MGMT: variants seen among roughly 807,000 people sequenced by gnomAD.
MGMT encodes the protein O-6-methylguanine-DNA methyltransferase, also known as methylated-DNA--protein-cysteine methyltransferase.
A neutral mutation model predicts 15.9 loss-of-function variants in MGMT; 14 were observed. The ratio of observed to expected loss-of-function variants is 0.88; its 90% CI spans 0.58 to 1.37. The LOEUF is 1.37. MGMT is among the 40% of genes most tolerant of loss of function. MGMT has a pLI of 0.00. For missense variants in MGMT, 282 were observed against 268.1 expected (o/e 1.05, Z -0.36); for synonymous variants, 130 against 118.2 (o/e 1.10, Z -0.65).
chr10:129,741,178 C>G (rs1185859354), intron 3 of MGMT, among the ~76,000 whole-genome samples: 1 of 152,174 alleles, frequency 6.6e-6, no homozygotes, highest in Non-Finnish European at 1.5e-5. Context: ...CTCCCCAGCC[C>G]TGGTCACAGC....
At chr10:129,691,639 A>T (rs370794374) in intron 2 of MGMT, among the ~76,000 whole-genome samples, 38 of 152,172 alleles carry the variant, frequency 2.5e-4, no homozygotes, top group African/African-American at 6.3e-4. Context: ...TGGCAGTGGC[A>T]CAGGTGTCAG....
At chr10:129,663,740 C>T (rs1847626524) in intron 2 of MGMT, among the ~76,000 whole-genome samples, 1 of 152,022 alleles carries the variant, frequency 6.6e-6, no homozygotes. Flanking sequence ...AGGAAAAATC[C>T]AGTTTTAGCA....
intron 3 of MGMT, among the ~76,000 whole-genome samples, chr10:129,723,871 A>G (rs1848402875): frequency 6.6e-6 from 1 of 152,182 alleles, no homozygotes; most frequent in African/African-American, 2.4e-5. Context: ...CAGATCAGAC[A>G]CCACCAAGTG....
intron 3 of MGMT, among the ~76,000 whole-genome samples, chr10:129,741,593 A>G (rs1021826921): frequency 1.3e-5 from 2 of 152,116 alleles, no homozygotes; most frequent in African/African-American, 4.8e-5. Flanking sequence ...CAGTGTCTCC[A>G]TTTTGGGGAG....
intron 2 of MGMT, among the ~76,000 whole-genome samples, chr10:129,655,920 A>G (rs1847520426): frequency 6.6e-6 from 1 of 152,184 alleles, no homozygotes. Context: ...GAGAAGTTCC[A>G]CGTGTTTAAA....
chr10:129,693,443 TA>T (rs1183957430), intron 2 of MGMT, among the ~76,000 whole-genome samples: 43 of 152,286 alleles, frequency 2.8e-4, no homozygotes, highest in Non-Finnish European at 2.6e-4. Context: ...CGGTCTAAGC[TA>T]AGAAGGGTTC....
intron 2 of MGMT, among the ~76,000 whole-genome samples, chr10:129,689,061 C>G (rs1350037565): frequency 6.6e-6 from 1 of 152,050 alleles, no homozygotes; most frequent in Non-Finnish European, 1.5e-5. Flanking sequence ...TCCTGGGTAG[C>G]TGAGACTACA....
At chr10:129,745,085 C>A (rs1848678518) in intron 3 of MGMT, among the ~76,000 whole-genome samples, 1 of 152,108 alleles carries the variant, frequency 6.6e-6, no homozygotes, top group Non-Finnish European at 1.5e-5. Context: ...GTGGTGGGGC[C>A]TCGTAGAGGG....
In MGMT at chr10:129,707,948, T is replaced by G; in HGVS notation, c.179T>G (p.Met60Arg). ...GTTCTCGGAGGTCCGGAGCCCCTGA[T>G]GCAGTGCACAGCCTGGCTGAATGCC... is the stretch of plus-strand genomic sequence containing the variant. ...AAVLGGPEPL[M>R]QCTAWLNAYF... The change falls in exon 3 of 5, where the codon ATG becomes AGG. Residue 60 changes from methionine to arginine, a missense_variant. Met to Arg is a moderately conservative substitution (Grantham distance 91). Coordinates refer to ENST00000651593, the MANE Select transcript of MGMT (RefSeq NM_002412.5). The G allele has an allele frequency of 6.2e-7, 1 of 1,613,216 alleles. No homozygotes were observed. The highest frequency in any genetic ancestry group is 8.5e-7 in the Non-Finnish European group (1 of 1,180,004).
chr10:129,637,455 C>T (rs2133086997), intron 2 of MGMT, among the ~76,000 whole-genome samples: 1 of 152,200 alleles, frequency 6.6e-6, no homozygotes, highest in African/African-American at 2.4e-5. Flanking sequence ...TAATTTCTGG[C>T]AGAATGAACC....
chr10:129,665,081 A>C (rs1460867148), intron 2 of MGMT, among the ~76,000 whole-genome samples: 7 of 152,128 alleles, frequency 4.6e-5, no homozygotes, highest in Non-Finnish European at 8.8e-5. Flanking sequence ...AATCTGACTT[A>C]AATGTTTACT....
intron 2 of MGMT, among the ~76,000 whole-genome samples, chr10:129,537,317 T>C (rs1156785871): frequency 6.6e-6 from 1 of 152,178 alleles, no homozygotes; most frequent in Non-Finnish European, 1.5e-5. Context: ...GTCATAAATA[T>C]CAGCACTCGC....
intron 2 of MGMT, among the ~76,000 whole-genome samples, chr10:129,675,088 A>G (rs1328050488): frequency 6.6e-6 from 1 of 152,174 alleles, no homozygotes; most frequent in Non-Finnish European, 1.5e-5. Flanking sequence ...GAAGGACCCC[A>G]CCTTGCACTT....
chr10:129,726,652 G>T (rs550291482), intron 3 of MGMT, among the ~76,000 whole-genome samples: 1 of 152,290 alleles, frequency 6.6e-6, no homozygotes, highest in East Asian at 1.9e-4. Flanking sequence ...GTGATGCATG[G>T]AAACTTGATA....
chr10:129,511,876 C>G (rs965883815), intron 1 of MGMT, among the ~76,000 whole-genome samples: 8 of 152,160 alleles, frequency 5.3e-5, no homozygotes, highest in Non-Finnish European at 7.3e-5. Flanking sequence ...TGCACAAGCT[C>G]CCAGCACTGG....
chr10:129,763,133 G>A (rs895190781), intron 4 of MGMT, among the ~76,000 whole-genome samples: 26 of 152,186 alleles, frequency 1.7e-4, no homozygotes, highest in African/African-American at 5.8e-4. Context: ...GGCTGCATAA[G>A]TGATGGATTC....
intron 2 of MGMT, among the ~76,000 whole-genome samples, chr10:129,699,142 A>G (rs1848066505): frequency 6.6e-6 from 1 of 152,208 alleles, no homozygotes; most frequent in Non-Finnish European, 1.5e-5. Flanking sequence ...GATAAAATAC[A>G]ATTTTCCTTT....
At chr10:129,589,008 A>G (rs1846650702) in intron 2 of MGMT, among the ~76,000 whole-genome samples, 1 of 152,206 alleles carries the variant, frequency 6.6e-6, no homozygotes, top group Non-Finnish European at 1.5e-5. Flanking sequence ...TGGTCTGGAT[A>G]CTGCTTCACT....
intron 2 of MGMT, among the ~76,000 whole-genome samples, chr10:129,565,081 G>A (rs1208045071): frequency 6.6e-6 from 1 of 152,270 alleles, no homozygotes; most frequent in Non-Finnish European, 1.5e-5. Context: ...GGGGGAAAGA[G>A]GGGCATCTAG....
Sources: allele counts gnomAD v4.1 joint callset (sites outside exome capture counted in the v4.1 genomes callset), GRCh38; gene constraint gnomAD v4.1.1; transcripts MANE v1.5; gene names NCBI Gene and HGNC (gene_info 2026-07-23, HGNC 2026-07-21).